Variants in KCNU1 observed in about 807,000 individuals in gnomAD.
KCNU1 encodes potassium channel subfamily U member 1.
KCNU1 carries 93 observed loss-of-function variants against 126.8 expected under a neutral mutation model. That is an observed-to-expected ratio of 0.73 (90% CI 0.62 to 0.87). KCNU1 has a LOEUF of 0.87. Ranked by LOEUF, KCNU1 falls within the 40% of genes least tolerant of loss-of-function variation. KCNU1 has a pLI of 0.00. For synonymous variants in KCNU1, 523 were observed against 494.2 expected, an observed-to-expected ratio of 1.06 and a Z score of -0.77; for missense variants, 1,330 against 1,367.1, an observed-to-expected ratio of 0.97 and a Z score of 0.43.
chr8:36,792,537 A>C (rs1452893812), intron 2 of KCNU1, among the ~76,000 whole-genome samples: 1 of 152,216 alleles, frequency 6.6e-6, no homozygotes, highest in Non-Finnish European at 1.5e-5. Context: ...TCTACTTCCT[A>C]ACATTGATGA....
intron 22 of KCNU1, among the ~76,000 whole-genome samples, chr8:36,911,916 C>T (rs1431385818): frequency 1.3e-5 from 2 of 152,300 alleles, no homozygotes; most frequent in African/African-American, 2.4e-5. Flanking sequence ...AGGGAAAAAG[C>T]TTATACATTA....
At chr8:36,871,828 T>C (rs1806113947) in intron 19 of KCNU1, among the ~76,000 whole-genome samples, 1 of 152,178 alleles carries the variant, frequency 6.6e-6, no homozygotes, top group African/African-American at 2.4e-5. Context: ...TTTATTTGCA[T>C]TAGTTAACTA....
chr8:36,917,838 G>A (rs532678039), intron 22 of KCNU1, among the ~76,000 whole-genome samples: 1 of 152,282 alleles, frequency 6.6e-6, no homozygotes, highest in South Asian at 2.1e-4. Context: ...AGACAGGAGG[G>A]AAATGTGTCT....
rs754537060 is a variant in KCNU1, at chr8:36,905,787, T to C, written c.2089T>C (p.Leu697=). The change falls in exon 20 of 27, where the codon TTG becomes CTG. Residue 697 remains leucine, a synonymous_variant. Coordinates refer to ENST00000399881, the MANE Select transcript of KCNU1 (RefSeq NM_001031836.3). ...GTTTCACTGGTGCAAACCAACCTCTTTGGACAAGGTGACTCTGGTAGGTGA... is the reference window on the plus strand; with the variant it reads ...GTTTCACTGGTGCAAACCAACCTCTCTGGACAAGGTGACTCTGGTAGGTGA... ...GMFHWCKPTS[L]DKVTLKRTGK... 6.4e-6 allele frequency: 10 copies of C among 1,562,534 alleles called. No homozygotes were observed. Among genetic ancestry groups the C allele is most frequent in the Non-Finnish European group, 7.9e-6 (9 of 1,144,696 alleles).
chr8:36,856,637 G>A (rs1479929281), intron 18 of KCNU1, among the ~76,000 whole-genome samples: 6 of 152,214 alleles, frequency 3.9e-5, no homozygotes, highest in Middle Eastern at 6.8e-3. Flanking sequence ...TAAGCTCTCC[G>A]CTTCTGTTAG....
At chr8:36,797,855 C>T (rs892824667) in intron 2 of KCNU1, among the ~76,000 whole-genome samples, 7 of 152,172 alleles carry the variant, frequency 4.6e-5, no homozygotes, top group African/African-American at 1.2e-4. Context: ...ATGCCAGGTA[C>T]TAAGCTATTG....
At chr8:36,841,640 G>A (rs1804961706) in intron 16 of KCNU1, among the ~76,000 whole-genome samples, 1 of 152,124 alleles carries the variant, frequency 6.6e-6, no homozygotes, top group Non-Finnish European at 1.5e-5. Flanking sequence ...AGGCTGCAGT[G>A]AGCTGAGTTC....
chr8:36,838,533 A>G (rs1383280531), intron 14 of KCNU1, among the ~76,000 whole-genome samples: 22 of 152,044 alleles, frequency 1.4e-4, no homozygotes, highest in Non-Finnish European at 5.9e-5. Flanking sequence ...TCTAGTAAAA[A>G]TATATATAAA....
At chr8:36,866,944 T>G (rs1457566974) in intron 19 of KCNU1, among the ~76,000 whole-genome samples, 1 of 152,188 alleles carries the variant, frequency 6.6e-6, no homozygotes, top group Admixed American at 6.6e-5. Context: ...ACTTGATCAT[T>G]ACACATTCTA....
At chr8:36,879,018 G>A (rs555575760) in intron 19 of KCNU1, among the ~76,000 whole-genome samples, 2 of 147,162 alleles carry the variant, frequency 1.4e-5, no homozygotes, top group African/African-American at 4.9e-5. Context: ...GCAAATCATC[G>A]GGACTTTGCT....
chr8:36,919,381 C>A (rs541949051), intron 23 of KCNU1, among the ~76,000 whole-genome samples: 1 of 151,372 alleles, frequency 6.6e-6, no homozygotes, highest in South Asian at 2.1e-4. Flanking sequence ...ATGTATTTCC[C>A]CCCGTCACCT....
At chr8:36,884,057 T>C (rs913254832) in intron 19 of KCNU1, among the ~76,000 whole-genome samples, 3 of 152,172 alleles carry the variant, frequency 2.0e-5, no homozygotes, top group African/African-American at 7.2e-5. Context: ...TTCATAGTAA[T>C]GGCTAATTAC....
intron 26 of KCNU1, among the ~76,000 whole-genome samples, chr8:36,933,489 G>A (rs956473519): frequency 2.0e-5 from 3 of 152,018 alleles, no homozygotes; most frequent in Non-Finnish European, 2.9e-5. Flanking sequence ...TGATATGTTC[G>A]GCTTTCAATT....
At chr8:36,907,803 G>A (rs939124573) in intron 20 of KCNU1, among the ~76,000 whole-genome samples, 9 of 152,204 alleles carry the variant, frequency 5.9e-5, no homozygotes, top group African/African-American at 2.2e-4. Flanking sequence ...GTCTAGGAAT[G>A]CAGGGAATGC....
intron 18 of KCNU1, among the ~76,000 whole-genome samples, chr8:36,854,632 T>G (rs76981941): frequency 1.3e-5 from 2 of 152,106 alleles, no homozygotes; most frequent in Non-Finnish European, 2.9e-5. Flanking sequence ...ATATTCCTTT[T>G]GGTTATTTAT....
chr8:36,891,722 T>C (rs1756035116), intron 19 of KCNU1, among the ~76,000 whole-genome samples: 1 of 152,158 alleles, frequency 6.6e-6, no homozygotes, highest in African/African-American at 2.4e-5. Context: ...AATAATACTT[T>C]GTTGGATATA....
intron 26 of KCNU1, among the ~76,000 whole-genome samples, chr8:36,933,981 T>C (rs1427403823): frequency 6.6e-6 from 1 of 152,114 alleles, no homozygotes; most frequent in African/African-American, 2.4e-5. Context: ...GGAGGCTTAC[T>C]GTGGATTTGT....
At chr8:36,905,510 G>T (rs1245421557) in intron 19 of KCNU1, among the ~76,000 whole-genome samples, 198 bp from the exon 20 acceptor site, 1 of 150,872 alleles carries the variant, frequency 6.6e-6, no homozygotes, top group Non-Finnish European at 1.5e-5. Flanking sequence ...TGCTTAGAGT[G>T]TCTTCAACTA....
chr8:36,815,671 G>T lies in KCNU1; in HGVS notation c.979G>T (p.Ala327Ser). 1.9e-6 allele frequency: 3 copies of T among 1,570,338 alleles called. No homozygotes were observed. The South Asian group carries it at 3.4e-5, about 18-fold the overall frequency. Residue 327 changes from alanine (A) to serine (S), a missense_variant, in exon 9 of 27, where the codon GCA becomes TCA. By Grantham distance (99) the Ala-to-Ser change is moderately conservative. This residue lies in a region of KCNU1 where 1,054 missense variants were observed against 1,053.9 expected (regional missense o/e 1.00). Transcript: ENST00000399881. ...GAGGAAATACACCAGTTCCTATGAA[G>T]CACTCAAAGGAAAGAAGTAAGTAGT... ...NKRKYTSSYE[A>S]LKGKKFIVVC...
Sources: gnomAD v4.1 joint callset for allele counts (sites outside exome capture counted in the v4.1 genomes callset) on GRCh38, gnomAD v4.1.1 for gene constraint, gnomAD v4.1.1 regional missense constraint, MANE v1.5 for transcripts, NCBI Gene and HGNC (gene_info 2026-07-23, HGNC 2026-07-21) for gene names.